PSMG4: variants seen among roughly 807,000 people sequenced by gnomAD.
PSMG4 encodes proteasome assembly chaperone 4, also known as proteasome (prosome, macropain) assembly chaperone 4.
PSMG4 carries 10 observed loss-of-function variants against 11.0 expected under a neutral mutation model. That is an observed-to-expected ratio of 0.91 (90% CI 0.56 to 1.54). PSMG4 has a LOEUF of 1.54. Among genes scored for constraint, PSMG4 ranks in the 40% most tolerant of loss-of-function variants. The pLI is 0.00. For synonymous variants in PSMG4, 95 were observed against 71.3 expected, an observed-to-expected ratio of 1.33 and a Z score of -1.68; for missense variants, 198 against 160.9, an observed-to-expected ratio of 1.23 and a Z score of -1.25.
chr6:3,256,569 C>T (rs907273500), upstream of PSMG4, among the ~76,000 whole-genome samples: 3 of 152,238 alleles, frequency 2.0e-5, no homozygotes, highest in African/African-American at 4.8e-5. Context: ...CTGGTCACCT[C>T]TCCAGTTGTT....
intron 2 of PSMG4, chr6:3,267,286 C>T (rs1270861306): frequency 2.8e-5 from 7 of 245,870 alleles, no homozygotes; most frequent in East Asian, 8.6e-5. Flanking sequence ...GCCCCAAATC[C>T]TGGCTTTCTG....
At chr6:3,254,486 C>T (rs186080324), upstream of PSMG4, among the ~76,000 whole-genome samples, 1,078 of 151,848 alleles carry the variant, frequency 7.1e-3, 8 homozygotes, top group South Asian at 8.1e-3. Flanking sequence ...AATATTGTTG[C>T]TGGTGGTTTT....
At chr6:3,260,285 A>ATTTT in intron 1 of PSMG4, among the ~76,000 whole-genome samples, 1 of 13,454 alleles carries the variant, frequency 7.4e-5, no homozygotes, top group South Asian at 3.6e-3. Flanking sequence ...TTGTATATAT[A>ATTTT]TATATATTTT....
intron 1 of PSMG4, among the ~76,000 whole-genome samples, chr6:3,260,291 A>ATATTTTTTTTTTTTTTTTTTTTTTTTTT: frequency 1.4e-5 from 1 of 70,842 alleles, no homozygotes; most frequent in Non-Finnish European, 2.5e-5. Context: ...ATATATATAT[A>ATATTTTTTTTTTTTTTTTTTTTTTTTTT]TTTTTTTTTT....
chr6:3,267,819 G>A lies in PSMG4; in HGVS notation c.*107G>A. ...GCCGCGCTCCCGTTTTGTTTTTAAGGGGTTAATCTTTTGAGCTTCCTTCTC... is the reference window on the plus strand; with the variant it reads ...GCCGCGCTCCCGTTTTGTTTTTAAGAGGTTAATCTTTTGAGCTTCCTTCTC... On this transcript the variant is annotated 3_prime_UTR_variant, in exon 3 of 3. Transcript: ENST00000438998. 8.3e-7 allele frequency: 1 copy of A among 1,198,648 alleles called. No homozygotes were observed. The highest frequency in any genetic ancestry group is 1.2e-6 in the Non-Finnish European group (1 of 861,838). The allele number at this position is 1,198,648 out of a possible 1,614,324, so 74.3% of individuals were successfully genotyped here.
At chr6:3,264,040 G>GT in intron 2 of PSMG4, 1 of 1,402,930 alleles carries the variant, frequency 7.1e-7, no homozygotes, top group Non-Finnish European at 9.4e-7. Context: ...GTTGCCTTCC[G>GT]TAAGTGCATC....
chr6:3,258,820 G>A (rs931747224), upstream of PSMG4: 11 of 416,002 alleles, frequency 2.6e-5, no homozygotes, highest in Non-Finnish European at 4.5e-5. Flanking sequence ...ACTCCGCCCA[G>A]GGCCGGCAGC....
chr6:3,254,451 CT>C (rs5873867), upstream of PSMG4, among the ~76,000 whole-genome samples: 8 of 151,828 alleles, frequency 5.3e-5, no homozygotes, highest in East Asian at 7.7e-4. Flanking sequence ...TAGTTTTCTG[CT>C]TTTTTTGTGT....
upstream of PSMG4, among the ~76,000 whole-genome samples, chr6:3,255,891 T>C (rs1757745827): frequency 1.3e-5 from 2 of 152,240 alleles, no homozygotes; most frequent in South Asian, 4.1e-4. Context: ...TCTTTCCTGA[T>C]TGGGATAGAA....
At chr6:3,254,647 T>TA (rs1375822611), upstream of PSMG4, among the ~76,000 whole-genome samples, 2 of 152,200 alleles carry the variant, frequency 1.3e-5, no homozygotes, top group Non-Finnish European at 2.9e-5. Flanking sequence ...TGTGAAGGCC[T>TA]ACAGCTTTGT....
At chr6:3,267,249 T>G (rs1467178181) in intron 2 of PSMG4, 2 of 215,154 alleles carry the variant, frequency 9.3e-6, no homozygotes, top group Non-Finnish European at 1.9e-5. Context: ...GCGGGGCACC[T>G]GCAGGATCTG....
At chr6:3,267,513 C>T (rs1758242877) in intron 2 of PSMG4, 78 bp from the exon 3 acceptor site, 4 of 1,495,136 alleles carry the variant, frequency 2.7e-6, no homozygotes, top group South Asian at 1.3e-5. Context: ...GAGCATTTCC[C>T]AGCTGCACGT....
chr6:3,259,370 C>T (rs570224269), intron 1 of PSMG4, among the ~76,000 whole-genome samples, 174 bp downstream of exon 1: 1 of 152,234 alleles, frequency 6.6e-6, no homozygotes, highest in African/African-American at 2.4e-5. Context: ...TGCACCACCT[C>T]GGGAGCTGCG....
chr6:3,259,889 G>A (rs544775156), intron 1 of PSMG4, among the ~76,000 whole-genome samples: 16 of 152,312 alleles, frequency 1.1e-4, no homozygotes, highest in Admixed American at 8.5e-4. Flanking sequence ...CTGGTTTCCT[G>A]AGGCAGCTGT....
intron 2 of PSMG4, chr6:3,267,076 C>G (rs1374986907): frequency 6.6e-6 from 1 of 152,144 alleles, no homozygotes; most frequent in African/African-American, 2.4e-5. Flanking sequence ...AGGATGGTCT[C>G]GATCTCCTGA....
chr6:3,255,015 C>G (rs552023949), upstream of PSMG4: 13 of 1,544,582 alleles, frequency 8.4e-6, no homozygotes, highest in East Asian at 1.2e-4. Flanking sequence ...CATGTGGGAG[C>G]GCTGGGATAA....
chr6:3,259,441 C>T (rs981586478), intron 1 of PSMG4, among the ~76,000 whole-genome samples: 3 of 152,236 alleles, frequency 2.0e-5, no homozygotes, highest in Non-Finnish European at 4.4e-5. Flanking sequence ...GCACTGGTCT[C>T]TGTAGGTCAG....
At chr6:3,260,283 ATATATATATTTTTTT>A in intron 1 of PSMG4, among the ~76,000 whole-genome samples, 1 of 30,232 alleles carries the variant, frequency 3.3e-5, no homozygotes, top group South Asian at 1.2e-3. Context: ...AATTGTATAT[ATATATATATTTTTTT>A]TTTTTTTTTT....
At chr6:3,255,365 G>GT (rs1455544893), upstream of PSMG4, 1 of 1,433,508 alleles carries the variant, frequency 7.0e-7, no homozygotes, top group African/African-American at 1.4e-5. Context: ...AATTTTTCCT[G>GT]TGGTGGATGA....
Sources: gnomAD v4.1 joint callset for allele counts (sites outside exome capture counted in the v4.1 genomes callset) on GRCh38, gnomAD v4.1.1 for gene constraint, MANE v1.5 for transcripts, NCBI Gene and HGNC (gene_info 2026-07-23, HGNC 2026-07-21) for gene names.